Variants in VTI1A observed in about 807,000 individuals in gnomAD.
VTI1A encodes vesicle transport through interaction with t-SNAREs homolog 1A.
Under a neutral mutation model 34.9 loss-of-function variants are expected in VTI1A, and 22 were observed. The observed-to-expected ratio is 0.63, with a 90% confidence interval of 0.45 to 0.90. VTI1A has a LOEUF of 0.90. VTI1A is among the 40% of genes least tolerant of loss of function. VTI1A has a pLI of 0.00. For synonymous variants in VTI1A, 87 were observed against 97.3 expected (o/e 0.89, Z 0.62); for missense variants, 268 against 275.6 (o/e 0.97, Z 0.20).
chr10:112,840,825 A>G, the VTI1A span, among the ~76,000 whole-genome samples: 1 of 152,326 alleles, frequency 6.6e-6, no homozygotes, highest in South Asian at 2.1e-4. Context: ...GGCCACTAGT[A>G]TAATGGGAAG....
intron 7 of VTI1A, among the ~76,000 whole-genome samples, chr10:112,734,319 G>C (rs971745229): frequency 2.0e-5 from 3 of 152,048 alleles, no homozygotes; most frequent in Admixed American, 1.3e-4. Context: ...TCTCTGGCCC[G>C]TGGTGCACAC....
At chr10:112,553,852 G>A (rs1363048180) in intron 5 of VTI1A, among the ~76,000 whole-genome samples, 1 of 152,190 alleles carries the variant, frequency 6.6e-6, no homozygotes, top group Non-Finnish European at 1.5e-5. Context: ...AAGAAAGAGG[G>A]AGAACAATAT....
chr10:112,634,525 A>T (rs201666542), intron 5 of VTI1A, among the ~76,000 whole-genome samples: 42,742 of 138,260 alleles, frequency 0.31, 6,118 homozygotes, highest in East Asian at 0.48. Context: ...ACACACACAC[A>T]CACACACACA....
chr10:112,799,082 T>C (rs1160484364), intron 7 of VTI1A, among the ~76,000 whole-genome samples: 1 of 152,128 alleles, frequency 6.6e-6, no homozygotes, highest in East Asian at 1.9e-4. Flanking sequence ...CGGTTAGGAA[T>C]CGGTTATGGG....
chr10:112,765,653 G>C (rs993040190), intron 7 of VTI1A, among the ~76,000 whole-genome samples: 6 of 152,198 alleles, frequency 3.9e-5, no homozygotes, highest in Admixed American at 1.3e-4. Context: ...TATAGTGGGG[G>C]AAACAGACAT....
chr10:112,479,156 ACT>A (rs557183268), intron 3 of VTI1A, among the ~76,000 whole-genome samples: 128 of 152,170 alleles, frequency 8.4e-4, no homozygotes, highest in African/African-American at 2.7e-3. Context: ...ACAGAGCAAG[ACT>A]CTGTCTCAAA....
intron 3 of VTI1A, among the ~76,000 whole-genome samples, chr10:112,512,915 A>G (rs1169578822): frequency 6.6e-6 from 1 of 152,058 alleles, no homozygotes; most frequent in African/African-American, 2.4e-5. Flanking sequence ...TTTTATACCA[A>G]TATCATGTTG....
chr10:112,714,357 C>T (rs1849532843), intron 7 of VTI1A, among the ~76,000 whole-genome samples: 1 of 152,126 alleles, frequency 6.6e-6, no homozygotes, highest in Non-Finnish European at 1.5e-5. Context: ...TATATCAATA[C>T]CTGGAATCAT....
intron 7 of VTI1A, among the ~76,000 whole-genome samples, chr10:112,744,652 C>T (rs1243630444): frequency 6.6e-6 from 1 of 151,974 alleles, no homozygotes; most frequent in East Asian, 1.9e-4. Flanking sequence ...GCTGCGTTGC[C>T]AGGGCTGGTC....
chr10:112,698,223 C>A (rs1431792491), intron 7 of VTI1A, among the ~76,000 whole-genome samples: 1 of 152,172 alleles, frequency 6.6e-6, no homozygotes, highest in Non-Finnish European at 1.5e-5. Flanking sequence ...CAAATCCTAG[C>A]TGTGGGAAAG....
At chr10:112,622,174 TATCAACAAC>T (rs1845759642) in intron 5 of VTI1A, among the ~76,000 whole-genome samples, 1 of 152,178 alleles carries the variant, frequency 6.6e-6, no homozygotes, top group East Asian at 1.9e-4. Context: ...CACAGAAATG[TATCAACAAC>T]ATGCCATAAG....
chr10:112,474,413 C>T (rs1345483509), intron 3 of VTI1A, among the ~76,000 whole-genome samples: 1 of 151,474 alleles, frequency 6.6e-6, no homozygotes, highest in Non-Finnish European at 1.5e-5. Flanking sequence ...TGTGCATGCC[C>T]ATTATTTTCC....
chr10:112,475,770 T>C (rs1325485277), intron 3 of VTI1A, among the ~76,000 whole-genome samples: 1 of 152,234 alleles, frequency 6.6e-6, no homozygotes, highest in Non-Finnish European at 1.5e-5. Flanking sequence ...AATTATAAAC[T>C]GATGACAAAT....
intron 5 of VTI1A, among the ~76,000 whole-genome samples, chr10:112,651,223 GATAT>G: frequency 6.6e-6 from 1 of 152,304 alleles, no homozygotes; most frequent in Non-Finnish European, 1.5e-5. Context: ...GTTTTTACAT[GATAT>G]TTTAAATATG....
At chr10:112,668,905 G>T in intron 6 of VTI1A, 32 bp from the exon 7 acceptor site, 2 of 1,608,672 alleles carry the variant, frequency 1.2e-6, no homozygotes, top group South Asian at 2.2e-5. Context: ...CTAATTGCAT[G>T]AACTTCTGTT....
chr10:112,835,756 A>G, the VTI1A span, among the ~76,000 whole-genome samples: 26 of 152,310 alleles, frequency 1.7e-4, no homozygotes, highest in Non-Finnish European at 1.6e-4. Flanking sequence ...TCAATGAGAT[A>G]AAAGTATTAT....
intron 7 of VTI1A, among the ~76,000 whole-genome samples, chr10:112,770,864 C>T (rs1340049567): frequency 6.6e-6 from 1 of 152,082 alleles, no homozygotes; most frequent in African/African-American, 2.4e-5. Context: ...TGGTATTCAG[C>T]ATGTCAGCTG....
chr10:112,483,146 C>G (rs1850674217), intron 3 of VTI1A, among the ~76,000 whole-genome samples: 1 of 152,132 alleles, frequency 6.6e-6, no homozygotes, highest in Non-Finnish European at 1.5e-5. Context: ...TCTGCCTACT[C>G]CTGCTATATC....
At chr10:112,531,461 A>T (rs1183668628) in intron 4 of VTI1A, among the ~76,000 whole-genome samples, 1 of 146,704 alleles carries the variant, frequency 6.8e-6, no homozygotes. Context: ...ACTTGAATGA[A>T]TAACTCCCGG....
Sources: allele counts gnomAD v4.1 joint callset (sites outside exome capture counted in the v4.1 genomes callset), GRCh38; gene constraint gnomAD v4.1.1; transcripts MANE v1.5; gene names NCBI Gene and HGNC (gene_info 2026-07-23, HGNC 2026-07-21).